Variants in ARHGAP39 observed in about 807,000 individuals in gnomAD.
ARHGAP39 encodes the protein Rho GTPase activating protein 39, also known as rho GTPase-activating protein 39.
In ARHGAP39, 44 loss-of-function variants were observed where a neutral mutation model predicts 106.9. That is an observed-to-expected ratio of 0.41 (90% CI 0.32 to 0.53). The LOEUF is 0.53. Ranked by LOEUF, ARHGAP39 falls within the 20% of genes least tolerant of loss-of-function variation. The probability of loss-of-function intolerance (pLI) is 0.21; values close to 1 mark genes in which losing one functional copy is unlikely to be tolerated. For synonymous variants in ARHGAP39, 768 were observed against 693.2 expected (o/e 1.11, Z -1.69); for missense variants, 1,496 against 1,577.3 (o/e 0.95, Z 0.87).
chr8:144,569,349 T>C (rs1055254527), intron 3 of ARHGAP39, among the ~76,000 whole-genome samples: 1 of 152,230 alleles, frequency 6.6e-6, no homozygotes, highest in East Asian at 1.9e-4. Flanking sequence ...GACTTGTACA[T>C]GAATGTTCAT....
At chr8:144,537,117 A>C (rs1181643849) in intron 7 of ARHGAP39, among the ~76,000 whole-genome samples, 1 of 152,018 alleles carries the variant, frequency 6.6e-6, no homozygotes, top group Non-Finnish European at 1.5e-5. Flanking sequence ...CCCTGGGTTC[A>C]CAGGGCTTTC....
At chr8:144,615,433 C>T (rs1039122943) in intron 1 of ARHGAP39, among the ~76,000 whole-genome samples, 2 of 152,134 alleles carry the variant, frequency 1.3e-5, no homozygotes. Flanking sequence ...GAGACACAAC[C>T]CCATTCTTTT....
At chr8:144,582,986 A>C (rs1265339413) in intron 2 of ARHGAP39, among the ~76,000 whole-genome samples, 8 of 152,164 alleles carry the variant, frequency 5.3e-5, no homozygotes, top group African/African-American at 1.9e-4. Flanking sequence ...CACAGGCCCC[A>C]GACTCTGAAC....
intron 4 of ARHGAP39, among the ~76,000 whole-genome samples, chr8:144,551,393 CGCCTG>C (rs761345596): frequency 2.1e-4 from 32 of 152,280 alleles, no homozygotes; most frequent in Non-Finnish European, 3.7e-4. Context: ...CCGATGATCC[CGCCTG>C]GCCAGGGGAG....
At chr8:144,677,387 C>T (rs555603675) in intron 1 of ARHGAP39, among the ~76,000 whole-genome samples, 19 of 152,104 alleles carry the variant, frequency 1.2e-4, no homozygotes, top group Middle Eastern at 3.4e-3. Flanking sequence ...AATAAATGAC[C>T]AAAGGAAGTG....
chr8:144,673,120 G>A (rs751609299), intron 1 of ARHGAP39, among the ~76,000 whole-genome samples: 5 of 152,140 alleles, frequency 3.3e-5, no homozygotes, highest in Non-Finnish European at 5.9e-5. Flanking sequence ...GGGAGGCTGA[G>A]GCAGGAGGAT....
chr8:144,565,198 G>A (rs1339816172), intron 3 of ARHGAP39, among the ~76,000 whole-genome samples: 1 of 151,582 alleles, frequency 6.6e-6, no homozygotes, highest in Non-Finnish European at 1.5e-5. Flanking sequence ...AGGACTGTCT[G>A]GGCCAGGAGG....
chr8:144,561,941 C>G (rs917696505), intron 3 of ARHGAP39, among the ~76,000 whole-genome samples: 30 of 145,130 alleles, frequency 2.1e-4, no homozygotes, highest in East Asian at 2.1e-3. Flanking sequence ...GTTTCCATCA[C>G]ACTCCAGTGG....
At position 144,581,189 on chromosome 8, in the gene ARHGAP39, C is replaced by T; in HGVS notation, c.169G>A (p.Ala57Thr). Residue 57 changes from alanine (A) to threonine (T), a missense_variant, in exon 3 of 12, where the codon GCC becomes ACC. By Grantham distance (58) the Ala-to-Thr change is moderately conservative (BLOSUM62 0). Around this residue, in one of 4 missense-constraint regions of ARHGAP39, gnomAD observed 96 missense variants for 107.9 expected, o/e 0.89. Coordinates refer to ENST00000377307, the MANE Select transcript of ARHGAP39 (RefSeq NM_025251.3). Reference protein sequence around the residue: ...VTGECVWDPPAGVRIKRTSEN... With the variant: ...VTGECVWDPPTGVRIKRTSEN... ...CTGGTGCGCTTGATGCGGACGCCGG[C>T]CGGCGGGTCCCACACGCACTCACCG... The T allele has an allele frequency of 6.4e-7, 1 of 1,559,586 alleles. No homozygotes were observed. The highest frequency in any genetic ancestry group is 8.7e-7 in the Non-Finnish European group (1 of 1,152,284).
chr8:144,532,308 G>T lies in ARHGAP39; in HGVS notation c.2977C>A (p.Pro993Thr). ...GCAGCGTGTGTGGGGGACTCACCAG[G>T]GACGTGGGGGTCTTCCAGGCCTGTG... ...VPTGLEDPHV[P>T]ASLLKLWYRE... Residue 993 changes from proline (P) to threonine (T), a missense_variant, in exon 10 of 12, where the codon CCT (proline) becomes ACT (threonine). Transcript: ENST00000377307. The T allele has an allele frequency of 6.2e-7, 1 of 1,612,664 alleles. No homozygotes were observed. Among genetic ancestry groups the T allele is most frequent in the South Asian group, 1.1e-5 (1 of 91,076 alleles).
intron 3 of ARHGAP39, among the ~76,000 whole-genome samples, chr8:144,559,562 T>C (rs1448331770): frequency 6.6e-6 from 1 of 152,096 alleles, no homozygotes; most frequent in Non-Finnish European, 1.5e-5. Context: ...GTAAGCACAT[T>C]GCTCCTACTG....
chr8:144,582,843 C>A (rs770961081), intron 2 of ARHGAP39, among the ~76,000 whole-genome samples: 59 of 152,144 alleles, frequency 3.9e-4, no homozygotes, highest in Non-Finnish European at 7.2e-4. Context: ...TCCTGAGGCC[C>A]GCCTGTGGAT....
intron 2 of ARHGAP39, among the ~76,000 whole-genome samples, chr8:144,588,578 C>G (rs1476077480): frequency 6.6e-6 from 1 of 152,206 alleles, no homozygotes; most frequent in African/African-American, 2.4e-5. Flanking sequence ...GGGCTCTCGC[C>G]AAGCCATCTG....
At chr8:144,658,519 C>T (rs759518634) in intron 1 of ARHGAP39, among the ~76,000 whole-genome samples, 21 of 152,190 alleles carry the variant, frequency 1.4e-4, no homozygotes, top group Non-Finnish European at 2.6e-4. Flanking sequence ...AGGTGATCTG[C>T]TCGCCTCGGC....
intron 1 of ARHGAP39, among the ~76,000 whole-genome samples, chr8:144,615,284 C>T (rs922934350): frequency 6.6e-5 from 10 of 152,036 alleles, no homozygotes; most frequent in South Asian, 4.1e-4. Flanking sequence ...TGTGGCACTG[C>T]GCTCTAGCCT....
At chr8:144,618,677 G>A (rs1820702651) in intron 1 of ARHGAP39, among the ~76,000 whole-genome samples, 1 of 152,202 alleles carries the variant, frequency 6.6e-6, no homozygotes, top group Admixed American at 6.5e-5. Flanking sequence ...TGCTCAGCTG[G>A]GAGGGAGGTC....
chr8:144,621,123 G>A (rs1820797454), intron 1 of ARHGAP39, among the ~76,000 whole-genome samples: 1 of 152,272 alleles, frequency 6.6e-6, no homozygotes, highest in Admixed American at 6.5e-5. Flanking sequence ...GCCTGCAGCT[G>A]CCTGCCCTGT....
At position 144,604,767 on chromosome 8, in the gene ARHGAP39, T is replaced by C. The variant is rs1586607227; in HGVS notation, c.80+768A>G. Among the ~76,000 whole-genome samples, 2 of 152,142 alleles carry C rather than the reference T, an allele frequency of 1.3e-5. No homozygotes were observed. The highest frequency in any genetic ancestry group is 2.9e-5 in the Non-Finnish European group (2 of 68,028). On this transcript the variant is annotated intron_variant, in intron 2 of 11. Transcript: ENST00000377307. The surrounding 1 kb of genome is among the most constrained non-coding windows in gnomAD (Gnocchi z 4.1). ...GGCTGAGACGGGACAGGGCCAGATT[T>C]ACTTGTGGTAACAAGCGTCCTGGGC...
At chr8:144,693,543 T>G in the ARHGAP39 span, among the ~76,000 whole-genome samples, 1 of 151,872 alleles carries the variant, frequency 6.6e-6, no homozygotes, top group South Asian at 2.1e-4. Context: ...CTGGCTAATT[T>G]TTTATATTGT....
Sources: gnomAD v4.1 joint callset for allele counts (sites outside exome capture counted in the v4.1 genomes callset) on GRCh38, gnomAD v4.1.1 for gene constraint, gnomAD v4.1.1 regional missense constraint, Gnocchi (gnomAD v3.1) non-coding constraint, MANE v1.5 for transcripts, NCBI Gene and HGNC (gene_info 2026-07-23, HGNC 2026-07-21) for gene names.